LMNTD1: variants seen among roughly 807,000 people sequenced by gnomAD.
LMNTD1 encodes the protein lamin tail domain containing 1.
In LMNTD1, 35 loss-of-function variants were observed where a neutral mutation model predicts 50.9. That is an observed-to-expected ratio of 0.69 (90% CI 0.53 to 0.91). The LOEUF (loss-of-function observed/expected upper bound fraction) is 0.91, where lower values mean the gene tolerates loss of function less well. Ranked by LOEUF, LMNTD1 falls within the 40% of genes least tolerant of loss-of-function variation. LMNTD1 has a pLI of 0.00. For synonymous variants in LMNTD1, 153 were observed against 161.9 expected (o/e 0.94, Z 0.42); for missense variants, 470 against 475.5 (o/e 0.99, Z 0.11).
Position 25,526,143 on chromosome 12 carries a change from C to A in LMNTD1, c.754G>T (p.Ala252Ser). 6.2e-7 allele frequency: 1 copy of A among 1,610,622 alleles called. No individual in the cohort carries two copies. The highest frequency in any genetic ancestry group is 8.5e-7 in the Non-Finnish European group (1 of 1,178,180). ...AGGATTGTTATACAATCAGGACTTGCTCTAAACTTGTCTTGTTCCTTCCAA... is the reference window on the plus strand; with the variant it reads ...AGGATTGTTATACAATCAGGACTTGATCTAAACTTGTCTTGTTCCTTCCAA... Reference protein sequence around the residue: ...FLWKEQDKFRASPDCITILCK... With the variant: ...FLWKEQDKFRSSPDCITILCK... The change falls in exon 6 of 10, where the codon GCA (alanine) becomes TCA (serine). Residue 252 changes from alanine (A) to serine (S), a missense_variant. Ala to Ser is a moderately conservative substitution (Grantham distance 99, BLOSUM62 1). Transcript: ENST00000458174.
intron 1 of LMNTD1, among the ~76,000 whole-genome samples, chr12:25,578,176 T>C (rs986099701): frequency 3.3e-5 from 5 of 152,182 alleles, no homozygotes; most frequent in Non-Finnish European, 5.9e-5. Flanking sequence ...TTTAAGAAGA[T>C]TGTCCAATCA....
intron 1 of LMNTD1, among the ~76,000 whole-genome samples, chr12:25,625,404 G>T (rs1252648815): frequency 6.6e-6 from 1 of 152,126 alleles, no homozygotes; most frequent in African/African-American, 2.4e-5. Flanking sequence ...CTGAAAGCCA[G>T]GAAATGGGTA....
intron 4 of LMNTD1, among the ~76,000 whole-genome samples, chr12:25,531,440 C>T (rs1400797041): frequency 2.6e-5 from 4 of 152,182 alleles, no homozygotes; most frequent in Non-Finnish European, 4.4e-5. Context: ...GATATTTAGT[C>T]TAGTGTCTCG....
chr12:25,628,830 A>G (rs568589764), intron 1 of LMNTD1, among the ~76,000 whole-genome samples: 48 of 152,186 alleles, frequency 3.2e-4, no homozygotes, highest in Non-Finnish European at 2.1e-4. Context: ...GCCTAGTGAA[A>G]CTGATTCTGG....
chr12:25,550,263 G>A (rs549044281), intron 2 of LMNTD1, among the ~76,000 whole-genome samples: 4 of 152,242 alleles, frequency 2.6e-5, no homozygotes, highest in African/African-American at 9.6e-5. Flanking sequence ...TTTGAACAAG[G>A]TTCATAAGCT....
At chr12:25,570,903 G>A (rs1473088214) in intron 1 of LMNTD1, among the ~76,000 whole-genome samples, 1 of 152,190 alleles carries the variant, frequency 6.6e-6, no homozygotes, top group Non-Finnish European at 1.5e-5. Flanking sequence ...TTCAGTAGGA[G>A]TAAAATTCAT....
At chr12:25,596,409 G>T (rs1470046757) in intron 1 of LMNTD1, among the ~76,000 whole-genome samples, 1 of 151,924 alleles carries the variant, frequency 6.6e-6, no homozygotes, top group African/African-American at 2.4e-5. Context: ...AGGGATACAG[G>T]GATGATTTAA....
chr12:25,579,800 C>T (rs1945199929), intron 1 of LMNTD1, among the ~76,000 whole-genome samples: 1 of 152,084 alleles, frequency 6.6e-6, no homozygotes, highest in Non-Finnish European at 1.5e-5. Context: ...CCTCTTGCAT[C>T]CATCCCCTTC....
intron 8 of LMNTD1, among the ~76,000 whole-genome samples, chr12:25,516,081 G>C (rs1457508219): frequency 6.6e-6 from 1 of 152,104 alleles, no homozygotes; most frequent in South Asian, 2.1e-4. Flanking sequence ...TCAAGGAGAT[G>C]AACTGGTAAT....
In LMNTD1 at chr12:25,517,570, G is replaced by T. The variant is rs1349537728; in HGVS notation, c.1189+1225C>A. Among the ~76,000 whole-genome samples, 4 of 29,270 alleles carry T rather than the reference G, an allele frequency of 1.4e-4. 2 individuals are homozygous for T. Among genetic ancestry groups the T allele is most frequent in the African/African-American group, 1.7e-4 (2 of 11,766 alleles). 19.2% of individuals were successfully genotyped at this position (29,270 alleles called of 152,430 possible). ...TGGGGACTGTTGTGGGGTGGGGGGA[G>T]GGGGGAGGGATAGTTTTAGGAGATA... is the stretch of plus-strand genomic sequence containing the variant. On this transcript the variant is annotated intron_variant, in intron 8 of 9. Transcript: ENST00000458174.
intron 7 of LMNTD1, among the ~76,000 whole-genome samples, chr12:25,519,452 G>C (rs535899012): frequency 6.6e-6 from 1 of 151,864 alleles, no homozygotes; most frequent in East Asian, 1.9e-4. Context: ...GCCGGGCGTG[G>C]TGGTGGGCGC....
intron 9 of LMNTD1, among the ~76,000 whole-genome samples, chr12:25,488,939 CG>C (rs1395789167): frequency 6.6e-6 from 1 of 152,172 alleles, no homozygotes; most frequent in South Asian, 2.1e-4. Context: ...TTAGGCTGCT[CG>C]GGGGTCAGGG....
chr12:25,537,325 C>T (rs1009463476), intron 4 of LMNTD1, among the ~76,000 whole-genome samples: 1 of 152,228 alleles, frequency 6.6e-6, no homozygotes, highest in Non-Finnish European at 1.5e-5. Flanking sequence ...ATGTCCCTGT[C>T]TGACAGCTTT....
At chr12:25,592,100 G>C (rs1213914095) in intron 1 of LMNTD1, among the ~76,000 whole-genome samples, 1 of 152,154 alleles carries the variant, frequency 6.6e-6, no homozygotes, top group Non-Finnish European at 1.5e-5. Context: ...CCCAGAGTGA[G>C]AGGATTCCAA....
intron 8 of LMNTD1, among the ~76,000 whole-genome samples, chr12:25,515,218 A>G (rs1444164457): frequency 1.3e-5 from 2 of 152,030 alleles, no homozygotes; most frequent in Non-Finnish European, 2.9e-5. Context: ...GAAAATTAAA[A>G]TATTTAAAAA....
chr12:25,647,659 A>G (rs1435915377), intron 1 of LMNTD1, among the ~76,000 whole-genome samples: 1 of 152,218 alleles, frequency 6.6e-6, no homozygotes, highest in Non-Finnish European at 1.5e-5. Context: ...TCTAACATTT[A>G]CCAGTTGAAT....
chr12:25,519,741 A>C (rs1301020897), intron 7 of LMNTD1, 117 bp downstream of exon 7: 1 of 690,784 alleles, frequency 1.4e-6, no homozygotes, highest in Middle Eastern at 4.2e-4. Context: ...GTTTCCAAAA[A>C]TCACTATTGA....
chr12:25,640,339 G>C (rs1252552322), intron 1 of LMNTD1, among the ~76,000 whole-genome samples: 2 of 151,930 alleles, frequency 1.3e-5, no homozygotes, highest in South Asian at 2.1e-4. Context: ...GCAAAACCCT[G>C]TCTCTACAAA....
chr12:25,614,460 G>T (rs1174342962), intron 1 of LMNTD1, among the ~76,000 whole-genome samples: 1 of 152,098 alleles, frequency 6.6e-6, no homozygotes, highest in African/African-American at 2.4e-5. Context: ...CAGACATCTT[G>T]CAGAGTAGTC....
Sources: allele counts gnomAD v4.1 joint callset (sites outside exome capture counted in the v4.1 genomes callset), GRCh38; gene constraint gnomAD v4.1.1; transcripts MANE v1.5; gene names NCBI Gene and HGNC (gene_info 2026-07-23, HGNC 2026-07-21).